FARP1: variants seen among roughly 807,000 people sequenced by gnomAD.
FARP1 encodes FERM, ARH/RhoGEF and pleckstrin domain protein 1.
FARP1 carries 52 observed loss-of-function variants against 128.8 expected under a neutral mutation model. The observed-to-expected ratio is 0.40, with a 90% confidence interval of 0.32 to 0.51. The LOEUF is 0.51. Among genes scored for constraint, FARP1 ranks in the 20% least tolerant of loss-of-function variants. The probability of loss-of-function intolerance (pLI) is 0.45; values close to 1 mark genes in which losing one functional copy is unlikely to be tolerated. For missense variants in FARP1, 1,333 were observed against 1,367.9 expected (o/e 0.97, Z 0.40); for synonymous variants, 580 against 551.8 (o/e 1.05, Z -0.72).
At chr13:98,417,334 G>A (rs1364298980) in intron 16 of FARP1, among the ~76,000 whole-genome samples, 1 of 151,836 alleles carries the variant, frequency 6.6e-6, no homozygotes, top group Non-Finnish European at 1.5e-5. Flanking sequence ...AGAACATTAA[G>A]AGGAAAAGAG....
intron 2 of FARP1, among the ~76,000 whole-genome samples, chr13:98,259,728 C>T (rs1267888943): frequency 6.6e-6 from 1 of 151,844 alleles, no homozygotes; most frequent in African/African-American, 2.4e-5. Context: ...TTATTGCATG[C>T]TTGAGAGAAA....
intron 2 of FARP1, among the ~76,000 whole-genome samples, chr13:98,298,311 C>T (rs1259663793): frequency 6.6e-6 from 1 of 152,212 alleles, no homozygotes; most frequent in Admixed American, 6.5e-5. Context: ...CACATCTCTA[C>T]GTTCATTCGT....
intron 1 of FARP1, among the ~76,000 whole-genome samples, chr13:98,187,538 G>T (rs1878958530): frequency 1.3e-5 from 2 of 152,202 alleles, no homozygotes; most frequent in Non-Finnish European, 2.9e-5. Flanking sequence ...TCTGTGTCCT[G>T]GGGAGAAATA....
At chr13:98,355,070 A>T (rs1888585486) in intron 3 of FARP1, among the ~76,000 whole-genome samples, 1 of 152,148 alleles carries the variant, frequency 6.6e-6, no homozygotes, top group African/African-American at 2.4e-5. Context: ...TTTGGTGACC[A>T]GGCAAGATGT....
At chr13:98,233,420 C>G (rs1037330627) in intron 2 of FARP1, among the ~76,000 whole-genome samples, 2 of 151,958 alleles carry the variant, frequency 1.3e-5, no homozygotes, top group East Asian at 3.9e-4. Flanking sequence ...TGTGTGCTCT[C>G]GGTGAGCAGG....
chr13:98,429,679 G>A (rs1472970825), intron 17 of FARP1, among the ~76,000 whole-genome samples: 1 of 152,190 alleles, frequency 6.6e-6, no homozygotes, highest in Non-Finnish European at 1.5e-5. Context: ...TGAGGCAGGA[G>A]GAAGTGGGCA....
intron 2 of FARP1, among the ~76,000 whole-genome samples, chr13:98,303,370 G>A (rs672151): frequency 0.43 from 65,370 of 152,060 alleles, 14,590 homozygotes; most frequent in East Asian, 0.63. Context: ...TATACTTACA[G>A]TAGTTGAATT....
At chr13:98,371,278 T>G (rs1889317498) in intron 5 of FARP1, among the ~76,000 whole-genome samples, 1 of 150,816 alleles carries the variant, frequency 6.6e-6, no homozygotes, top group Admixed American at 6.6e-5. Context: ...CCTTTTCAAT[T>G]TTTGTGAATC....
At chr13:98,167,447 T>C (rs929571598) in intron 1 of FARP1, among the ~76,000 whole-genome samples, 1 of 150,100 alleles carries the variant, frequency 6.7e-6, no homozygotes, top group Non-Finnish European at 1.5e-5. Flanking sequence ...TCTCACTCTG[T>C]CACCCAGGCT....
rs1324706001 is a variant in FARP1, at chr13:98,213,399, G to A, written c.157G>A (p.Ala53Thr). The part of the protein sequence containing the change: ...KIQMLDDTQE[A>T]FEVPQRAPGK... ...CCAGATGCTGGATGACACCCAGGAG[G>A]CATTTGAAGTTCCAGTAAGTTGGGG... The change falls in exon 2 of 27, where the codon GCA (alanine) becomes ACA (threonine). Residue 53 changes from alanine to threonine, a missense_variant. Ala to Thr is a moderately conservative substitution (Grantham distance 58). Transcript: ENST00000319562. The A allele has an allele frequency of 6.2e-7, 1 of 1,613,726 alleles. No individual in the cohort carries two copies. Among genetic ancestry groups the A allele is most frequent in the Non-Finnish European group, 8.5e-7 (1 of 1,179,942 alleles).
intron 2 of FARP1, among the ~76,000 whole-genome samples, chr13:98,282,670 C>T (rs544433963): frequency 3.9e-5 from 6 of 152,208 alleles, no homozygotes; most frequent in South Asian, 4.2e-4. Context: ...TTTGAGAGGC[C>T]GAGGCAGGCG....
intron 16 of FARP1, among the ~76,000 whole-genome samples, chr13:98,420,421 C>T (rs1402452753): frequency 1.3e-5 from 2 of 152,206 alleles, no homozygotes; most frequent in Non-Finnish European, 2.9e-5. Context: ...TCCTTTACTT[C>T]TTCCCTGTCC....
At chr13:98,395,115 C>T (rs1313406630) in intron 12 of FARP1, 112 bp from the exon 13 acceptor site, 3 of 1,311,700 alleles carry the variant, frequency 2.3e-6, no homozygotes, top group Admixed American at 2.5e-5. Context: ...GCAGTTCTCC[C>T]GCCGCAGAGG....
chr13:98,282,629 G>A (rs1884984459), intron 2 of FARP1, among the ~76,000 whole-genome samples: 1 of 152,194 alleles, frequency 6.6e-6, no homozygotes. Context: ...TCTGGGCCAG[G>A]CGCCGTGGCT....
At chr13:98,224,737 G>GCAGGC (rs1881657001) in intron 2 of FARP1, among the ~76,000 whole-genome samples, 2 of 151,880 alleles carry the variant, frequency 1.3e-5, no homozygotes, top group Non-Finnish European at 2.9e-5. Context: ...GGGCCTGCAG[G>GCAGGC]CAGGCAGTGA....
chr13:98,423,661 T>C (rs1202610474), intron 16 of FARP1, among the ~76,000 whole-genome samples: 1 of 152,204 alleles, frequency 6.6e-6, no homozygotes, highest in East Asian at 1.9e-4. Context: ...ATAACAGATA[T>C]CAGAGAAGTT....
chr13:98,390,413 A>G (rs1283194896), intron 10 of FARP1, among the ~76,000 whole-genome samples: 1 of 152,192 alleles, frequency 6.6e-6, no homozygotes, highest in Non-Finnish European at 1.5e-5. Context: ...GCTTCATAGA[A>G]TATGTGGACT....
chr13:98,244,852 T>TC, intron 2 of FARP1: 1 of 1,452,100 alleles, frequency 6.9e-7, no homozygotes, highest in African/African-American at 1.4e-5. Context: ...ACAGATGTGA[T>TC]CTCAGATACG....
chr13:98,231,977 G>C (rs139859339), intron 2 of FARP1, among the ~76,000 whole-genome samples: 99 of 151,836 alleles, frequency 6.5e-4, no homozygotes, highest in African/African-American at 2.3e-3. Flanking sequence ...ACAGGTACTC[G>C]TCACCACGCC....
Sources: gnomAD v4.1 joint callset for allele counts (sites outside exome capture counted in the v4.1 genomes callset) on GRCh38, gnomAD v4.1.1 for gene constraint, MANE v1.5 for transcripts, NCBI Gene and HGNC (gene_info 2026-07-23, HGNC 2026-07-21) for gene names.